The following SLC24A2 variants were observed in gnomAD, a reference collection of about 807,000 sequenced individuals.
SLC24A2 encodes the protein sodium/potassium/calcium exchanger 2.
SLC24A2 carries 36 observed loss-of-function variants against 62.0 expected under a neutral mutation model. The ratio of observed to expected loss-of-function variants is 0.58; its 90% confidence interval spans 0.44 to 0.77. SLC24A2 has a LOEUF of 0.77. Ranked by LOEUF, SLC24A2 falls within the 30% of genes least tolerant of loss-of-function variation. The probability of loss-of-function intolerance (pLI) is 0.00; values close to 1 mark genes in which losing one functional copy is unlikely to be tolerated. For missense variants in SLC24A2, 846 were observed against 817.9 expected, an observed-to-expected ratio of 1.03 and a Z score of -0.42; for synonymous variants, 358 against 294.0, an observed-to-expected ratio of 1.22 and a Z score of -2.23.
At chr9:20,071,721 C>T in the SLC24A2 span, among the ~76,000 whole-genome samples, 1 of 152,086 alleles carries the variant, frequency 6.6e-6, no homozygotes, top group Non-Finnish European at 1.5e-5. Context: ...CCTGTGGAAT[C>T]CAACACTATC....
At chr9:19,730,352 G>C (rs1157113429) in intron 2 of SLC24A2, among the ~76,000 whole-genome samples, 1 of 152,030 alleles carries the variant, frequency 6.6e-6, no homozygotes, top group Non-Finnish European at 1.5e-5. Flanking sequence ...TATATTTGTA[G>C]GATAAATAAT....
intron 9 of SLC24A2, among the ~76,000 whole-genome samples, chr9:19,525,102 T>C (rs149828445): frequency 6.6e-6 from 1 of 152,156 alleles, no homozygotes; most frequent in Non-Finnish European, 1.5e-5. Context: ...TCTCAATGAG[T>C]GTATAAAATA....
chr9:19,783,686 C>A lies in SLC24A2; in HGVS notation c.930+2251G>T, dbSNP rs567624685. On this transcript the variant is annotated intron_variant, in intron 2 of 10. Coordinates refer to ENST00000341998, the MANE Select transcript of SLC24A2 (RefSeq NM_020344.4). ...GCTGTAATTACAGAAAAAATTCCAG[C>A]AATAATTCAAAAGTGAAATTGGCAA... Among the ~76,000 whole-genome samples, 115 of 152,246 alleles carry A rather than the reference C, an allele frequency of 7.6e-4. 1 individual carries two copies. Among genetic ancestry groups the A allele is most frequent in the African/African-American group, 2.6e-3 (107 of 41,552 alleles).
intron 2 of SLC24A2, among the ~76,000 whole-genome samples, chr9:19,769,365 T>C (rs1822615265): frequency 6.6e-6 from 1 of 152,260 alleles, no homozygotes; most frequent in Non-Finnish European, 1.5e-5. Flanking sequence ...ACCTGATTCA[T>C]GGCACCAGTG....
intron 7 of SLC24A2, among the ~76,000 whole-genome samples, chr9:19,569,650 TG>T (rs1464585803): frequency 6.6e-6 from 1 of 152,130 alleles, no homozygotes; most frequent in Admixed American, 6.5e-5. Context: ...TAAGACACCG[TG>T]GCGCCAGGGA....
chr9:19,551,608 A>T (rs561657240), intron 7 of SLC24A2, among the ~76,000 whole-genome samples: 1 of 152,222 alleles, frequency 6.6e-6, no homozygotes, highest in African/African-American at 2.4e-5. Flanking sequence ...CATATAAATA[A>T]CTTTAGAAAG....
the SLC24A2 span, among the ~76,000 whole-genome samples, chr9:20,162,078 T>A: frequency 6.6e-6 from 1 of 151,690 alleles, no homozygotes; most frequent in Admixed American, 6.6e-5. Context: ...TAGCAAGATA[T>A]AAAATTAACC....
intron 7 of SLC24A2, among the ~76,000 whole-genome samples, chr9:19,559,561 G>T (rs1007751978): frequency 6.6e-6 from 1 of 152,148 alleles, no homozygotes; most frequent in South Asian, 2.1e-4. Context: ...GAAAACAATG[G>T]TAGAGTTGGA....
At chr9:20,306,287 G>A in the SLC24A2 span, among the ~76,000 whole-genome samples, 8,551 of 152,192 alleles carry the variant, frequency 0.056, 783 homozygotes, top group African/African-American at 0.19. Flanking sequence ...GGCAACTTCT[G>A]TTTACAATCA....
At chr9:19,830,753 T>C in the SLC24A2 span, among the ~76,000 whole-genome samples, 2 of 152,138 alleles carry the variant, frequency 1.3e-5, no homozygotes, top group African/African-American at 4.8e-5. Flanking sequence ...ATTTCAGCAT[T>C]GATGCATGAG....
chr9:19,545,314 G>A (rs968771046), intron 8 of SLC24A2, among the ~76,000 whole-genome samples: 6 of 151,990 alleles, frequency 3.9e-5, no homozygotes, highest in Non-Finnish European at 7.4e-5. Context: ...GGTTATTCCA[G>A]TTAGCAATTC....
At chr9:20,037,247 G>C in the SLC24A2 span, among the ~76,000 whole-genome samples, 1 of 152,096 alleles carries the variant, frequency 6.6e-6, no homozygotes, top group Non-Finnish European at 1.5e-5. Flanking sequence ...ACAATGTAAA[G>C]ACTATGTAAA....
intron 8 of SLC24A2, among the ~76,000 whole-genome samples, chr9:19,549,075 A>T (rs1363598936): frequency 6.6e-6 from 1 of 152,118 alleles, no homozygotes; most frequent in Non-Finnish European, 1.5e-5. Context: ...TTTGGTCTAT[A>T]CTCAGGTTGT....
the SLC24A2 span, among the ~76,000 whole-genome samples, chr9:20,088,043 T>C: frequency 1.3e-5 from 2 of 152,164 alleles, no homozygotes; most frequent in Non-Finnish European, 2.9e-5. Flanking sequence ...TGTAGAGTCT[T>C]GGAAGAGAGG....
At chr9:20,221,680 C>T in the SLC24A2 span, among the ~76,000 whole-genome samples, 127 of 151,798 alleles carry the variant, frequency 8.4e-4, no homozygotes, top group Middle Eastern at 3.4e-3. Flanking sequence ...TGTAACAAAC[C>T]GGCAGAACAT....
chr9:20,243,525 G>C, the SLC24A2 span, among the ~76,000 whole-genome samples: 1 of 152,134 alleles, frequency 6.6e-6, no homozygotes, highest in African/African-American at 2.4e-5. Context: ...CTCAGTATTT[G>C]AGGGTATCTT....
At chr9:20,277,421 G>C in the SLC24A2 span, among the ~76,000 whole-genome samples, 2 of 151,514 alleles carry the variant, frequency 1.3e-5, no homozygotes, top group Non-Finnish European at 2.9e-5. Context: ...CAAAAAGTGG[G>C]CAAAGGATAT....
chr9:20,084,394 T>C, the SLC24A2 span, among the ~76,000 whole-genome samples: 2 of 152,226 alleles, frequency 1.3e-5, no homozygotes, highest in East Asian at 1.9e-4. Flanking sequence ...AAATTGGCCA[T>C]AACAATTGGG....
intron 2 of SLC24A2, among the ~76,000 whole-genome samples, chr9:19,686,243 T>C (rs1342201241): frequency 6.6e-6 from 1 of 152,012 alleles, no homozygotes; most frequent in East Asian, 1.9e-4. Flanking sequence ...ATGGCTATTA[T>C]AAAAAGTAAA....
Sources: allele counts gnomAD v4.1 joint callset (sites outside exome capture counted in the v4.1 genomes callset), GRCh38; gene constraint gnomAD v4.1.1; transcripts MANE v1.5; gene names NCBI Gene and HGNC (gene_info 2026-07-23, HGNC 2026-07-21).